The following EPB41 variants were observed in gnomAD, a reference collection of about 807,000 sequenced individuals.
EPB41 encodes the protein erythrocyte membrane protein band 4.1.
Under a neutral mutation model 108.0 loss-of-function variants are expected in EPB41, and 65 were observed. That is an observed-to-expected ratio of 0.60 (90% CI 0.49 to 0.74). The LOEUF (loss-of-function observed/expected upper bound fraction) is 0.74. Ranked by LOEUF, EPB41 falls within the 30% of genes least tolerant of loss-of-function variation. The pLI is 0.00. For missense variants in EPB41, 875 were observed against 1,037.0 expected, an observed-to-expected ratio of 0.84 and a Z score of 2.15; for synonymous variants, 336 against 358.9, an observed-to-expected ratio of 0.94 and a Z score of 0.72.
chr1:28,944,334 TA>T (rs555895989), intron 1 of EPB41, among the ~76,000 whole-genome samples: 12 of 152,280 alleles, frequency 7.9e-5, no homozygotes, highest in Middle Eastern at 3.4e-3. Flanking sequence ...TAGTCAATTA[TA>T]GTTGTACATT....
At chr1:28,928,864 G>A (rs982069309) in intron 1 of EPB41, among the ~76,000 whole-genome samples, 1 of 152,156 alleles carries the variant, frequency 6.6e-6, no homozygotes, top group Non-Finnish European at 1.5e-5. Context: ...CAAGGTCCTT[G>A]GGTTTGTTTC....
At chr1:28,949,612 ATT>A (rs556293621) in intron 1 of EPB41, among the ~76,000 whole-genome samples, 1 of 146,114 alleles carries the variant, frequency 6.8e-6, no homozygotes, top group Non-Finnish European at 1.5e-5. Flanking sequence ...ATTTATTTTT[ATT>A]TTTTTTTTAG....
chr1:28,962,316 C>T (rs2095241868), intron 1 of EPB41, among the ~76,000 whole-genome samples: 1 of 152,162 alleles, frequency 6.6e-6, no homozygotes, highest in African/African-American at 2.4e-5. Flanking sequence ...CTGCCTCAGC[C>T]TCCCAAAATG....
chr1:28,960,326 G>T (rs2095151741), intron 1 of EPB41, among the ~76,000 whole-genome samples: 1 of 151,716 alleles, frequency 6.6e-6, no homozygotes, highest in Admixed American at 6.6e-5. Context: ...TTGCTTTCTT[G>T]AATAAAGCAT....
intron 1 of EPB41, among the ~76,000 whole-genome samples, chr1:28,961,166 G>A (rs956581102): frequency 2.0e-5 from 3 of 151,194 alleles, no homozygotes; most frequent in African/African-American, 4.9e-5. Flanking sequence ...AAATTCATCT[G>A]TTACATTTGA....
chr1:29,022,865 G>C (rs1292542696), intron 7 of EPB41, among the ~76,000 whole-genome samples: 1 of 152,090 alleles, frequency 6.6e-6, no homozygotes, highest in Non-Finnish European at 1.5e-5. Flanking sequence ...GAATTCAGCT[G>C]TCTTCTATGC....
intron 1 of EPB41, among the ~76,000 whole-genome samples, chr1:28,923,111 CTTTTTT>C (rs1226949675): frequency 1.7e-5 from 1 of 60,602 alleles, no homozygotes; most frequent in Non-Finnish European, 2.7e-5. Context: ...CTTTTCTTTT[CTTTTTT>C]TTTTTTTTTT....
intron 1 of EPB41, among the ~76,000 whole-genome samples, chr1:28,950,872 G>A (rs908178035): frequency 6.6e-6 from 1 of 151,908 alleles, no homozygotes. Flanking sequence ...TTTTGCTCTT[G>A]TTGCCCAGGC....
At chr1:28,998,875 A>G (rs912386641) in intron 4 of EPB41, among the ~76,000 whole-genome samples, 8 of 152,232 alleles carry the variant, frequency 5.3e-5, no homozygotes, top group African/African-American at 1.9e-4. Context: ...ATCATTTCAC[A>G]TTGTATTAAA....
At chr1:28,977,908 A>G (rs895753216) in intron 1 of EPB41, among the ~76,000 whole-genome samples, 2 of 151,292 alleles carry the variant, frequency 1.3e-5, no homozygotes, top group African/African-American at 4.9e-5. Flanking sequence ...TTAACCTCAG[A>G]GCTAACTGAA....
chr1:28,955,565 G>T (rs535385568), intron 1 of EPB41, among the ~76,000 whole-genome samples: 1 of 152,070 alleles, frequency 6.6e-6, no homozygotes, highest in Non-Finnish European at 1.5e-5. Flanking sequence ...GGATGGTCTT[G>T]ATCTCTTGAC....
intron 1 of EPB41, among the ~76,000 whole-genome samples, chr1:28,959,469 G>A (rs113062123): frequency 5.9e-4 from 90 of 151,942 alleles, no homozygotes; most frequent in African/African-American, 1.5e-3. Context: ...CACCCGCCTC[G>A]GCCTCCTAAA....
At chr1:28,923,575 G>T (rs2093268536) in intron 1 of EPB41, among the ~76,000 whole-genome samples, 2 of 152,094 alleles carry the variant, frequency 1.3e-5, no homozygotes, top group South Asian at 2.1e-4. Flanking sequence ...TACTTAGCAA[G>T]ATTTACCCAG....
rs71022387 is a variant in EPB41, at chr1:29,036,254, A to ATTT, written c.1463+351_1463+353dup. On this transcript the variant is annotated intron_variant, in intron 10 of 20. Transcript: ENST00000343067. ...TTACCCTCACTTACCTCCACGTGTG[A>ATTT]TTTTTTTTTTTTTTTTTTTTTTGAG... 1.5e-3 allele frequency among the ~76,000 whole-genome samples: 158 copies of ATTT among 106,312 alleles called. 4 individuals carry two copies. The highest frequency in any genetic ancestry group is 4.0e-3 in the African/African-American group (115 of 28,722). The allele number at this position is 106,312 out of a possible 152,430, so 69.7% of individuals were successfully genotyped here. A position where few individuals can be genotyped will look rare whatever the true frequency, so the allele number is the denominator to read the frequency against.
chr1:29,013,809 G>A (rs938958006), intron 5 of EPB41, among the ~76,000 whole-genome samples: 8 of 147,158 alleles, frequency 5.4e-5, no homozygotes, highest in African/African-American at 2.0e-4. Context: ...GATTACAGGC[G>A]TGAGCCACGG....
chr1:29,077,282 C>T (rs1345542100), intron 16 of EPB41, among the ~76,000 whole-genome samples: 4 of 151,912 alleles, frequency 2.6e-5, no homozygotes, highest in Non-Finnish European at 5.9e-5. Flanking sequence ...ATTAAAAGCT[C>T]TTATCCAGCT....
chr1:29,116,310 A>G (rs914665713), intron 20 of EPB41, among the ~76,000 whole-genome samples: 1 of 151,972 alleles, frequency 6.6e-6, no homozygotes, highest in Non-Finnish European at 1.5e-5. Flanking sequence ...CACCATGCCC[A>G]GCTAATTTTT....
At position 29,032,185 on chromosome 1, in the gene EPB41, G is replaced by GGAA; in HGVS notation, c.1213-905_1213-903dup. Among the ~76,000 whole-genome samples the GGAA allele has an allele frequency of 1.3e-5, 2 of 151,964 alleles. 1 individual carries two copies. The stretch of plus-strand genomic sequence containing the variant: ...CTATGAATCTCTAAAGTATATTGTA[G>GGAA]GAAGATCAGTACATCAGATTAGGTA... On this transcript the variant is annotated intron_variant, in intron 8 of 20. Transcript: ENST00000343067.
At chr1:29,013,196 A>G (rs1366353945) in intron 5 of EPB41, among the ~76,000 whole-genome samples, 3 of 152,012 alleles carry the variant, frequency 2.0e-5, no homozygotes, top group Non-Finnish European at 4.4e-5. Context: ...GTGGTGGCGC[A>G]TGCCTGTAAT....
Sources: allele counts gnomAD v4.1 joint callset (sites outside exome capture counted in the v4.1 genomes callset), GRCh38; gene constraint gnomAD v4.1.1; transcripts MANE v1.5; gene names NCBI Gene and HGNC (gene_info 2026-07-23, HGNC 2026-07-21).